Variants in RBM20 observed in about 807,000 individuals in gnomAD.
The protein encoded by RBM20 is RNA binding motif protein 20.
RBM20 carries 51 observed loss-of-function variants against 110.1 expected under a neutral mutation model. The ratio of observed to expected loss-of-function variants is 0.46; its 90% CI spans 0.37 to 0.59. The LOEUF is 0.59. RBM20 is among the 20% of genes least tolerant of loss of function. The pLI, the probability that RBM20 is intolerant of heterozygous loss-of-function variation, is 0.00. For synonymous variants in RBM20, 589 were observed against 618.2 expected (o/e 0.95, Z 0.70); for missense variants, 1,512 against 1,574.9 (o/e 0.96, Z 0.68).
chr10:110,738,619 T>C (rs1484112676), intron 1 of RBM20, among the ~76,000 whole-genome samples: 1 of 151,686 alleles, frequency 6.6e-6, no homozygotes, highest in East Asian at 1.9e-4. Context: ...GGATCTGGGC[T>C]GGGGGAGAGG....
chr10:110,653,107 C>G (rs1428042103), intron 1 of RBM20, among the ~76,000 whole-genome samples: 1 of 152,174 alleles, frequency 6.6e-6, no homozygotes, highest in Admixed American at 6.5e-5. Flanking sequence ...CTTTCATACC[C>G]AGAAACGTCC....
intron 1 of RBM20, among the ~76,000 whole-genome samples, chr10:110,695,158 C>T (rs1418916281): frequency 6.6e-6 from 1 of 152,148 alleles, no homozygotes; most frequent in Non-Finnish European, 1.5e-5. Flanking sequence ...AGTTTTCTGG[C>T]CCCTGCTGAG....
chr10:110,708,600 T>C (rs1020876107), intron 1 of RBM20, among the ~76,000 whole-genome samples: 2 of 152,366 alleles, frequency 1.3e-5, no homozygotes, highest in Non-Finnish European at 2.9e-5. Flanking sequence ...TCTCAAATTA[T>C]TAATAAAGTA....
In RBM20 at chr10:110,672,239, T is replaced by C. The variant is rs1033790081; in HGVS notation, c.191+27594T>C. ...CTGGCGCCGCGGGTGGGGGCAGTGG[T>C]GAGACTTCGGCCCCTGGTGGCCGGA... On this transcript the variant is annotated intron_variant, in intron 1 of 13. Transcript: ENST00000369519. 5.3e-5 allele frequency among the ~76,000 whole-genome samples: 8 copies of C among 152,174 alleles called. 1 individual carries two copies. Among genetic ancestry groups the C allele is most frequent in the African/African-American group, 1.9e-4 (8 of 41,444 alleles).
At chr10:110,704,184 T>C (rs1157247656) in intron 1 of RBM20, among the ~76,000 whole-genome samples, 1 of 152,246 alleles carries the variant, frequency 6.6e-6, no homozygotes, top group East Asian at 1.9e-4. Flanking sequence ...CTCAGCATAA[T>C]TTCCTGGAGA....
intron 12 of RBM20, among the ~76,000 whole-genome samples, chr10:110,826,767 G>A (rs573910044): frequency 6.6e-6 from 1 of 151,826 alleles, no homozygotes; most frequent in South Asian, 2.1e-4. Context: ...TCTTTTTTTA[G>A]TAGAGATAAG....
intron 11 of RBM20, chr10:110,822,346 G>A (rs1364528215): frequency 1.4e-5 from 6 of 442,668 alleles, no homozygotes; most frequent in Non-Finnish European, 2.7e-5. Context: ...ATACAAGAAA[G>A]GAGTGGAAGG....
intron 1 of RBM20, among the ~76,000 whole-genome samples, chr10:110,648,120 A>T (rs905350480): frequency 1.3e-5 from 2 of 152,256 alleles, no homozygotes; most frequent in Admixed American, 1.3e-4. Context: ...GAATAAAAAT[A>T]ATTATAAACA....
intron 1 of RBM20, among the ~76,000 whole-genome samples, chr10:110,700,786 C>A (rs10885021): frequency 6.6e-6 from 1 of 151,976 alleles, no homozygotes; most frequent in African/African-American, 2.4e-5. Context: ...GAGGCTGAGG[C>A]GGGCGGATCA....
chr10:110,704,580 A>G (rs1233314134), intron 1 of RBM20, among the ~76,000 whole-genome samples: 3 of 152,246 alleles, frequency 2.0e-5, no homozygotes, highest in Non-Finnish European at 4.4e-5. Flanking sequence ...TGTTAAATAA[A>G]TTAAAACAGA....
At chr10:110,809,850 A>G (rs1316422795) in intron 7 of RBM20, among the ~76,000 whole-genome samples, 2 of 152,170 alleles carry the variant, frequency 1.3e-5, no homozygotes, top group Non-Finnish European at 2.9e-5. Flanking sequence ...TTAACCCAAT[A>G]CAACTCCAAG....
At chr10:110,738,423 T>G (rs1397943653) in intron 1 of RBM20, among the ~76,000 whole-genome samples, 1 of 152,102 alleles carries the variant, frequency 6.6e-6, no homozygotes, top group Non-Finnish European at 1.5e-5. Flanking sequence ...GATGAGGTGG[T>G]TTGGCCCTTG....
Position 110,812,678 on chromosome 10 carries a change from C to T in RBM20, c.2281C>T (p.Arg761Trp), listed in dbSNP as rs781256531. ...CAAAAGCCGTGAAGACGGCTACTAC[C>T]GGAAAGAGCCCAAAGCCAAGTCGGA... ...SYKSREDGYYRKEPKAKSDKY... is the reference protein window; with the variant it reads ...SYKSREDGYYWKEPKAKSDKY... The change falls in exon 9 of 14, where the codon CGG (arginine) becomes TGG (tryptophan). Residue 761 changes from arginine to tryptophan, a missense_variant. This residue lies in a region of RBM20 where 1,149 missense variants were observed against 1,169.4 expected (regional missense o/e 0.98). Transcript: ENST00000369519. 1.4e-5 allele frequency: 22 copies of T among 1,551,578 alleles called. No individual in the cohort carries two copies. Among genetic ancestry groups the T allele is most frequent in the South Asian group, 4.8e-5 (4 of 84,058 alleles).
At chr10:110,787,811 C>T (rs34318344) in intron 5 of RBM20, among the ~76,000 whole-genome samples, 13,167 of 151,796 alleles carry the variant, frequency 0.087, 791 homozygotes, top group Non-Finnish European at 0.12. Flanking sequence ...CAGCTCTCTG[C>T]GAGGAGCTAG....
intron 1 of RBM20, among the ~76,000 whole-genome samples, chr10:110,677,607 C>G (rs1407893899): frequency 6.6e-6 from 1 of 152,160 alleles, no homozygotes; most frequent in East Asian, 1.9e-4. Flanking sequence ...CGTGAGCCAC[C>G]GCGCCCAGCC....
At chr10:110,684,296 A>C (rs897846569) in intron 1 of RBM20, among the ~76,000 whole-genome samples, 4 of 152,202 alleles carry the variant, frequency 2.6e-5, no homozygotes, top group African/African-American at 9.7e-5. Flanking sequence ...CAGGAGGCTG[A>C]GGCAGGAGAA....
At chr10:110,736,210 A>G (rs1843668669) in intron 1 of RBM20, among the ~76,000 whole-genome samples, 2 of 152,244 alleles carry the variant, frequency 1.3e-5, no homozygotes, top group Non-Finnish European at 2.9e-5. Context: ...ATTGCAATGC[A>G]GTTTTTACAA....
At chr10:110,655,177 GA>G (rs958495874) in intron 1 of RBM20, among the ~76,000 whole-genome samples, 5 of 151,816 alleles carry the variant, frequency 3.3e-5, no homozygotes, top group African/African-American at 1.2e-4. Flanking sequence ...AAATATTATA[GA>G]AAAAAATGAC....
intron 1 of RBM20, among the ~76,000 whole-genome samples, chr10:110,676,228 C>G (rs7095872): frequency 6.6e-6 from 1 of 152,120 alleles, no homozygotes; most frequent in South Asian, 2.1e-4. Flanking sequence ...AATTGTACAT[C>G]CCAGGGGCTG....
Sources: gnomAD v4.1 joint callset for allele counts (sites outside exome capture counted in the v4.1 genomes callset) on GRCh38, gnomAD v4.1.1 for gene constraint, gnomAD v4.1.1 regional missense constraint, MANE v1.5 for transcripts, NCBI Gene and HGNC (gene_info 2026-07-23, HGNC 2026-07-21) for gene names.